The following SGIP1 variants were observed in gnomAD, a reference collection of about 807,000 sequenced individuals.
SGIP1 encodes the protein SH3-containing GRB2-like protein 3-interacting protein 1.
Under a neutral mutation model 107.5 loss-of-function variants are expected in SGIP1, and 38 were observed. The ratio of observed to expected loss-of-function variants is 0.35; its 90% CI spans 0.27 to 0.46. The LOEUF is 0.46. Ranked by LOEUF, SGIP1 falls within the 20% of genes least tolerant of loss-of-function variation. SGIP1 has a pLI of 1.00. For synonymous variants in SGIP1, 365 were observed against 366.1 expected (o/e 1.00, Z 0.03); for missense variants, 929 against 1,019.5 (o/e 0.91, Z 1.21).
intron 1 of SGIP1, among the ~76,000 whole-genome samples, chr1:66,553,607 T>G (rs1571230883): frequency 6.9e-6 from 1 of 145,434 alleles, no homozygotes; most frequent in Admixed American, 7.0e-5. Context: ...ACTTGGGAGG[T>G]GGAGGTTGCA....
At chr1:66,645,350 CA>C (rs2077480669) in intron 7 of SGIP1, among the ~76,000 whole-genome samples, 1 of 152,222 alleles carries the variant, frequency 6.6e-6, no homozygotes, top group Admixed American at 6.5e-5. Context: ...GCTATTCCTC[CA>C]ACCAGATACA....
intron 7 of SGIP1, among the ~76,000 whole-genome samples, chr1:66,651,973 A>T (rs2078848090): frequency 6.6e-6 from 1 of 152,160 alleles, no homozygotes; most frequent in African/African-American, 2.4e-5. Context: ...CCCAGTCATG[A>T]TCAAAAGGAT....
chr1:66,643,727 T>TTGTC lies in SGIP1; in HGVS notation c.459+11_459+12insCTGT. On this transcript the variant is annotated intron_variant, in intron 7 of 24. Transcript: ENST00000371037. The stretch of plus-strand genomic sequence containing the variant: ...CTTTCCCCATCACCAGTGGTGAGTG[T>TTGTC]TGTGTGTGTGTGTGTTAAGCTTTAG... The TTGTC allele has an allele frequency of 6.3e-7, 1 of 1,586,964 alleles. No individual in the cohort carries two copies. Among genetic ancestry groups the TTGTC allele is most frequent in the Admixed American group, 1.8e-5 (1 of 55,994 alleles).
chr1:66,747,887 A>AT lies in SGIP1; in HGVS notation c.*4799dup, dbSNP rs1557858866. On this transcript the variant is annotated 3_prime_UTR_variant, in exon 25 of 25. Transcript: ENST00000371037. ...TTGCCACATGGTTTTCTGATCAGCA[A>AT]TTTTTTTAAAAAATGGAAGTGTTAC... is the stretch of plus-strand genomic sequence containing the variant. 1 of 151,948 alleles carries AT rather than the reference A, an allele frequency of 6.6e-6. No homozygotes were observed. The highest frequency in any genetic ancestry group is 1.5e-5 in the Non-Finnish European group (1 of 67,856). 9.4% of individuals were successfully genotyped at this position (151,948 alleles called of 1,614,324 possible).
At chr1:66,715,478 G>A (rs949730246) in intron 18 of SGIP1, among the ~76,000 whole-genome samples, 3 of 151,890 alleles carry the variant, frequency 2.0e-5, no homozygotes, top group African/African-American at 4.8e-5. Context: ...TGTTGGGGGG[G>A]CGTGGGGGAG....
intron 9 of SGIP1, among the ~76,000 whole-genome samples, chr1:66,670,097 C>A (rs1571567023): frequency 6.6e-6 from 1 of 152,204 alleles, no homozygotes; most frequent in African/African-American, 2.4e-5. Flanking sequence ...CTGTCCTCAA[C>A]TCTGCCCCTG....
chr1:66,583,585 T>A (rs1172579051), intron 1 of SGIP1, among the ~76,000 whole-genome samples: 5 of 152,140 alleles, frequency 3.3e-5, no homozygotes, highest in Admixed American at 3.3e-4. Flanking sequence ...CAAATACCCT[T>A]TCATTAGGTA....
intron 1 of SGIP1, among the ~76,000 whole-genome samples, chr1:66,617,298 C>T (rs769395992): frequency 4.0e-4 from 60 of 151,022 alleles, no homozygotes; most frequent in Non-Finnish European, 1.2e-4. Flanking sequence ...AGTCTATCCA[C>T]GGGAAATCAT....
intron 1 of SGIP1, among the ~76,000 whole-genome samples, chr1:66,581,468 A>G (rs1408909041): frequency 6.6e-6 from 1 of 152,046 alleles, no homozygotes; most frequent in Non-Finnish European, 1.5e-5. Flanking sequence ...GTTATTATAA[A>G]ATATAGTTTT....
At chr1:66,547,443 AGTC>A (rs1445194885) in intron 1 of SGIP1, among the ~76,000 whole-genome samples, 1 of 152,204 alleles carries the variant, frequency 6.6e-6, no homozygotes, top group Non-Finnish European at 1.5e-5. Flanking sequence ...ATTTCAGCAA[AGTC>A]TAATCCTCTT....
At chr1:66,696,550 C>A (rs1024897128) in intron 18 of SGIP1, among the ~76,000 whole-genome samples, 13 of 152,056 alleles carry the variant, frequency 8.5e-5, no homozygotes, top group African/African-American at 2.9e-4. Flanking sequence ...ATAGTTGTGG[C>A]TTTTTTCTCT....
chr1:66,534,421 C>T lies in SGIP1; in HGVS notation c.10+53C>T, dbSNP rs1056814989. On this transcript the variant is annotated intron_variant, in intron 1 of 24. Coordinates refer to ENST00000371037, the MANE Select transcript of SGIP1 (RefSeq NM_032291.4). ...GGCTTCAGGCAAGGTTTGGGCAGAA[C>T]AGCATTAAAGAATATGTGCAGCCAG... is the stretch of plus-strand genomic sequence containing the variant. 3 of 1,605,200 alleles carry T rather than the reference C, an allele frequency of 1.9e-6. No individual in the cohort carries two copies. The Admixed American group carries it at 5.0e-5, about 27-fold the overall frequency.
intron 1 of SGIP1, among the ~76,000 whole-genome samples, chr1:66,577,054 T>C (rs1438054856): frequency 6.6e-6 from 1 of 152,298 alleles, no homozygotes; most frequent in African/African-American, 2.4e-5. Flanking sequence ...TTTTAGTGCA[T>C]TGGAACCCAG....
At chr1:66,582,135 G>T (rs2061907694) in intron 1 of SGIP1, among the ~76,000 whole-genome samples, 2 of 152,034 alleles carry the variant, frequency 1.3e-5, no homozygotes, top group South Asian at 4.1e-4. Context: ...TTTTAGAGCT[G>T]GGAAAGAGGT....
Position 66,599,271 on chromosome 1 carries a change from G to A in SGIP1, c.11-26576G>A, listed in dbSNP as rs529298891. ...GGGAACCTCTGTCCTAGGGCATAGG[G>A]GAGCATATTTCATCATGTTATTTCA... On this transcript the variant is annotated intron_variant, in intron 1 of 24. Transcript: ENST00000371037. Among the ~76,000 whole-genome samples the A allele has an allele frequency of 5.9e-5, 9 of 152,172 alleles. No homozygotes were observed. The East Asian group carries it at 1.7e-3, about 29-fold the overall frequency.
At chr1:66,587,364 T>A (rs1296050654) in intron 1 of SGIP1, among the ~76,000 whole-genome samples, 1 of 99,846 alleles carries the variant, frequency 1.0e-5, no homozygotes, top group Non-Finnish European at 2.0e-5. Flanking sequence ...GCTCTGTTCA[T>A]TTTTTTTTTC....
intron 1 of SGIP1, among the ~76,000 whole-genome samples, chr1:66,594,206 C>A (rs1453872054): frequency 2.0e-5 from 3 of 151,854 alleles, no homozygotes; most frequent in African/African-American, 7.3e-5. Flanking sequence ...AAAATATAAA[C>A]TTTTTTTCAT....
At chr1:66,699,307 G>A (rs1383701516) in intron 18 of SGIP1, among the ~76,000 whole-genome samples, 6 of 152,066 alleles carry the variant, frequency 3.9e-5, no homozygotes, top group Non-Finnish European at 1.5e-5. Flanking sequence ...GAGAGCAGCC[G>A]TCTGATAATT....
intron 1 of SGIP1, among the ~76,000 whole-genome samples, chr1:66,600,672 T>G (rs1351246117): frequency 1.3e-5 from 2 of 152,142 alleles, no homozygotes; most frequent in East Asian, 3.8e-4. Context: ...TACTGGACTA[T>G]GAAGTGTCAG....
Sources: gnomAD v4.1 joint callset for allele counts (sites outside exome capture counted in the v4.1 genomes callset) on GRCh38, gnomAD v4.1.1 for gene constraint, MANE v1.5 for transcripts, NCBI Gene and HGNC (gene_info 2026-07-23, HGNC 2026-07-21) for gene names.